SP140L: variants seen among roughly 807,000 people sequenced by gnomAD.
SP140L encodes the protein nuclear body protein SP140-like protein.
In SP140L, 64 loss-of-function variants were observed where a neutral mutation model predicts 84.3. The observed-to-expected ratio is 0.76, with a 90% CI of 0.62 to 0.94. The LOEUF (loss-of-function observed/expected upper bound fraction) is 0.94. Among genes scored for constraint, SP140L ranks in the 40% least tolerant of loss-of-function variants. The pLI is 0.00. For synonymous variants in SP140L, 242 were observed against 236.9 expected, an observed-to-expected ratio of 1.02 and a Z score of -0.20; for missense variants, 628 against 692.5, an observed-to-expected ratio of 0.91 and a Z score of 1.05.
intron 2 of SP140L, 49 bp from the exon 3 acceptor site, chr2:230,357,756 C>T: frequency 6.4e-7 from 1 of 1,562,546 alleles, no homozygotes; most frequent in East Asian, 2.3e-5. Flanking sequence ...TCTCCACAAA[C>T]ATCTCAGAAT....
At chr2:230,379,156 A>G (rs1157599185) in intron 7 of SP140L, among the ~76,000 whole-genome samples, 1 of 152,132 alleles carries the variant, frequency 6.6e-6, no homozygotes, top group African/African-American at 2.4e-5. Context: ...AACAGCACTT[A>G]GCTTTTGCAA....
intron 2 of SP140L, among the ~76,000 whole-genome samples, chr2:230,329,827 T>A (rs1302887531): frequency 6.6e-6 from 1 of 152,188 alleles, no homozygotes; most frequent in African/African-American, 2.4e-5. Flanking sequence ...TCAGTAGATT[T>A]CTTGTTTCTT....
rs375779456 is a variant in SP140L, at chr2:230,401,845, A to C, written c.1644+38A>C. ...TCCTGCTTCCATTTCATTTCTTTCC[A>C]TCCTTCCCCTCATTTTCTGGTGCCT... On this transcript the variant is annotated intron_variant, in intron 18 of 18. Coordinates refer to ENST00000415673, the MANE Select transcript of SP140L (RefSeq NM_138402.6). The C allele has an allele frequency of 1.5e-3, 2,408 of 1,578,298 alleles. 7 individuals carry two copies. The highest frequency in any genetic ancestry group is 2.0e-3 in the Non-Finnish European group (2,277 of 1,163,854).
chr2:230,347,625 G>A (rs1040182885), intron 2 of SP140L, among the ~76,000 whole-genome samples: 5 of 152,174 alleles, frequency 3.3e-5, no homozygotes, highest in African/African-American at 1.2e-4. Context: ...GGTTAGCAAG[G>A]CTAGAGGCCA....
In SP140L at chr2:230,403,684, G is replaced by C. The variant is rs1285268217; in HGVS notation, c.*788G>C. The C allele has an allele frequency of 2.6e-5, 4 of 152,152 alleles. No individual in the cohort carries two copies. Among genetic ancestry groups the C allele is most frequent in the African/African-American group, 9.7e-5 (4 of 41,430 alleles). 9.4% of individuals were successfully genotyped at this position (152,152 alleles called of 1,614,324 possible). On this transcript the variant is annotated 3_prime_UTR_variant, in exon 19 of 19. Transcript: ENST00000415673. ...CCCTTCTTGGAGTCTCATATTTCGT[G>C]GAACTCCTGTGCAAACATATATTAT... is the stretch of plus-strand genomic sequence containing the variant.
intron 9 of SP140L, among the ~76,000 whole-genome samples, chr2:230,387,736 C>T (rs2061644545): frequency 6.6e-6 from 1 of 152,184 alleles, no homozygotes; most frequent in Non-Finnish European, 1.5e-5. Context: ...TGCCCACTCA[C>T]AGCCAATTAA....
chr2:230,346,181 T>C (rs964052711), intron 2 of SP140L, among the ~76,000 whole-genome samples: 4 of 152,160 alleles, frequency 2.6e-5, no homozygotes, highest in African/African-American at 7.2e-5. Context: ...TTTTTTTCTT[T>C]CAATATTTTG....
intron 2 of SP140L, among the ~76,000 whole-genome samples, chr2:230,341,415 A>G (rs1365729842): frequency 1.0e-5 from 1 of 99,102 alleles, no homozygotes; most frequent in African/African-American, 4.6e-5. Context: ...CAAAGTTTTC[A>G]ACTTCTTTGC....
chr2:230,370,504 C>T (rs2061029147), intron 5 of SP140L, among the ~76,000 whole-genome samples: 1 of 152,098 alleles, frequency 6.6e-6, no homozygotes, highest in African/African-American at 2.4e-5. Context: ...TAATAAAATA[C>T]AAAAATAAAA....
At chr2:230,361,221 C>T (rs374878847) in intron 4 of SP140L, among the ~76,000 whole-genome samples, 2 of 152,114 alleles carry the variant, frequency 1.3e-5, no homozygotes, top group African/African-American at 2.4e-5. Context: ...CACAGTTCTA[C>T]GATTACAAGC....
chr2:230,381,982 C>T lies in SP140L; in HGVS notation c.638-1528C>T, dbSNP rs116805166. 5.2e-3 allele frequency among the ~76,000 whole-genome samples: 788 copies of T among 152,292 alleles called. 2 individuals carry two copies. Among genetic ancestry groups the T allele is most frequent in the African/African-American group, 0.018 (751 of 41,546 alleles). On this transcript the variant is annotated intron_variant, in intron 7 of 18. Coordinates refer to ENST00000415673, the MANE Select transcript of SP140L (RefSeq NM_138402.6). The stretch of plus-strand genomic sequence containing the variant: ...TTTGTCAGGGGGAAGGTGAACAGTG[C>T]CTCCTCCTACATGGCTCCTGGCTGT...
intron 2 of SP140L, among the ~76,000 whole-genome samples, chr2:230,329,043 G>T (rs1053759996): frequency 6.6e-6 from 1 of 151,978 alleles, no homozygotes; most frequent in Non-Finnish European, 1.5e-5. Flanking sequence ...TACTTTTCTT[G>T]TCCCTTACAT....
chr2:230,400,446 C>T (rs1185285709), intron 15 of SP140L: 10 of 572,766 alleles, frequency 1.7e-5, no homozygotes, highest in Middle Eastern at 4.0e-4. Flanking sequence ...GGGACACCTC[C>T]TCTGATATGC....
At chr2:230,335,779 A>G (rs1440490104) in intron 2 of SP140L, among the ~76,000 whole-genome samples, 2 of 152,218 alleles carry the variant, frequency 1.3e-5, no homozygotes, top group Admixed American at 6.5e-5. Context: ...CTGCCACTGC[A>G]TAGATGTGGA....
chr2:230,329,197 T>C (rs1245519646), intron 2 of SP140L, among the ~76,000 whole-genome samples: 1 of 152,224 alleles, frequency 6.6e-6, no homozygotes, highest in East Asian at 1.9e-4. Context: ...CACGGCCAGT[T>C]TTTAAAGTCG....
At chr2:230,368,325 C>CA (rs2060950379) in intron 5 of SP140L, among the ~76,000 whole-genome samples, 1 of 151,948 alleles carries the variant, frequency 6.6e-6, no homozygotes, top group Non-Finnish European at 1.5e-5. Flanking sequence ...AGGTTTTTGC[C>CA]AAAAAAGTTC....
chr2:230,334,960 T>G (rs2059827037), intron 2 of SP140L, among the ~76,000 whole-genome samples: 2 of 152,090 alleles, frequency 1.3e-5, no homozygotes, highest in African/African-American at 4.8e-5. Context: ...TAGATTCTCT[T>G]ATTTATTGGT....
intron 1 of SP140L, among the ~76,000 whole-genome samples, chr2:230,328,489 G>A (rs1342669098): frequency 6.6e-6 from 1 of 152,154 alleles, no homozygotes; most frequent in Admixed American, 6.5e-5. Context: ...TCACCTTAAT[G>A]CATATAGATC....
At chr2:230,345,134 C>A (rs963854733) in intron 2 of SP140L, among the ~76,000 whole-genome samples, 3 of 152,100 alleles carry the variant, frequency 2.0e-5, no homozygotes, top group Non-Finnish European at 4.4e-5. Flanking sequence ...CTGTTTCTTC[C>A]TCCTTTCAGA....
Sources: allele counts gnomAD v4.1 joint callset (sites outside exome capture counted in the v4.1 genomes callset), GRCh38; gene constraint gnomAD v4.1.1; transcripts MANE v1.5; gene names NCBI Gene and HGNC (gene_info 2026-07-23, HGNC 2026-07-21).